COL4A5: variants seen among roughly 807,000 people sequenced by gnomAD.
COL4A5 encodes the protein collagen type IV alpha 5 chain, also known as collagen alpha-5(IV) chain.
A neutral mutation model predicts 130.2 loss-of-function variants in COL4A5; 26 were observed. That is an observed-to-expected ratio of 0.20 (90% CI 0.15 to 0.28). COL4A5 has a LOEUF of 0.28. COL4A5 is among the 10% of genes least tolerant of loss of function. The pLI is 1.00. For missense variants in COL4A5, 1,131 were observed against 1,344.3 expected (o/e 0.84, Z 2.48); for synonymous variants, 496 against 439.6 (o/e 1.13, Z -1.60).
intron 1 of COL4A5, among the ~76,000 whole-genome samples, chrX:108,495,255 A>T (rs1337774671): frequency 1.8e-5 from 2 of 111,555 alleles, no homozygotes; most frequent in East Asian, 5.7e-4. Flanking sequence ...AAAAGAAAAC[A>T]ATAAAACGTT....
chrX:108,667,071 C>T, intron 39 of COL4A5, 62 bp from the exon 40 acceptor site: 1 of 1,077,146 alleles, frequency 9.3e-7, no homozygotes, highest in East Asian at 3.0e-5. Context: ...AATAATTTGG[C>T]CTTGTTTCAG....
At chrX:108,533,402 T>C (rs2065412281) in intron 1 of COL4A5, among the ~76,000 whole-genome samples, 2 of 111,429 alleles carry the variant, frequency 1.8e-5, no homozygotes, top group Admixed American at 1.9e-4. Context: ...AAGACTTAAA[T>C]CTTCTTTTGC....
intron 36 of COL4A5, chrX:108,626,708 T>G: frequency 7.6e-6 from 7 of 916,878 alleles, no homozygotes; most frequent in Non-Finnish European, 9.5e-6. Context: ...TTGAAAAGAC[T>G]TATAAACAAA....
At chrX:108,604,572 GC>G (rs950714030) in intron 28 of COL4A5, among the ~76,000 whole-genome samples, 1 of 111,735 alleles carries the variant, frequency 8.9e-6, no homozygotes, top group African/African-American at 3.2e-5. Context: ...AATTCGTAAG[GC>G]CCTAGAATTT....
rs1346288391 is a variant in COL4A5 at position 108,547,966 on chromosome X, T to C, written c.141+8161T>C. On this transcript the variant is annotated intron_variant, in intron 2 of 52. Transcript: ENST00000328300. ...TGCTAAGACCATCAGAAAAGTGCAG[T>C]ATTAGGGTGGGAGTGACCCGATTTT... is the stretch of plus-strand genomic sequence containing the variant. Among the ~76,000 whole-genome samples, 4 of 111,737 alleles carry C rather than the reference T, an allele frequency of 3.6e-5. No individual in the cohort carries two copies. The East Asian group carries it at 1.1e-3, about 32-fold the overall frequency.
intron 28 of COL4A5, among the ~76,000 whole-genome samples, chrX:108,603,655 T>C (rs1439624467): frequency 8.9e-6 from 1 of 111,775 alleles, no homozygotes; most frequent in Non-Finnish European, 1.9e-5. Flanking sequence ...GTTGGGTGGC[T>C]GTGGCCATTT....
chrX:108,496,540 G>A (rs1431946157), intron 1 of COL4A5, among the ~76,000 whole-genome samples: 1 of 111,402 alleles, frequency 9.0e-6, no homozygotes, highest in Admixed American at 9.5e-5. Flanking sequence ...TGGCTGGATG[G>A]AATATTCTAT....
intron 1 of COL4A5, among the ~76,000 whole-genome samples, chrX:108,480,319 TTTAC>T (rs1489045994): frequency 1.8e-5 from 2 of 112,271 alleles, no homozygotes; most frequent in East Asian, 2.8e-4. Flanking sequence ...CCCTAGAAAT[TTTAC>T]TGAGGTAGAA....
At chrX:108,632,840 A>C (rs1216008062) in intron 36 of COL4A5, among the ~76,000 whole-genome samples, 3 of 111,728 alleles carry the variant, frequency 2.7e-5, no homozygotes, top group Non-Finnish European at 3.8e-5. Flanking sequence ...CAAAATAATA[A>C]GAGCTATTTA....
intron 36 of COL4A5, among the ~76,000 whole-genome samples, chrX:108,644,415 C>G (rs1441167320): frequency 3.6e-5 from 4 of 111,854 alleles, no homozygotes; most frequent in Non-Finnish European, 7.5e-5. Flanking sequence ...AACATTCCAT[C>G]CAACAACCAC....
At chrX:108,506,928 T>C (rs1218897815) in intron 1 of COL4A5, among the ~76,000 whole-genome samples, 1 of 110,805 alleles carries the variant, frequency 9.0e-6, no homozygotes, top group African/African-American at 3.3e-5. Flanking sequence ...TTTATACATC[T>C]TTTCAGTGGA....
intron 49 of COL4A5, chrX:108,689,535 A>C: frequency 4.0e-6 from 3 of 754,489 alleles, no homozygotes; most frequent in Non-Finnish European, 4.7e-6. Context: ...GGTACAGTTT[A>C]GGCCTCAGAC....
At chrX:108,640,644 A>G (rs2067445254) in intron 36 of COL4A5, among the ~76,000 whole-genome samples, 1 of 111,700 alleles carries the variant, frequency 9.0e-6, no homozygotes, top group Non-Finnish European at 1.9e-5. Flanking sequence ...GTTGATAAAA[A>G]AAATTCTGGA....
At chrX:108,489,782 A>G (rs1035677541) in intron 1 of COL4A5, among the ~76,000 whole-genome samples, 6 of 111,591 alleles carry the variant, frequency 5.4e-5, no homozygotes, top group African/African-American at 2.0e-4. Context: ...GGAATATTAG[A>G]CACTTTAGTG....
chrX:108,600,743 ATCC>A (rs1239706986), intron 25 of COL4A5, among the ~76,000 whole-genome samples: 1 of 110,530 alleles, frequency 9.0e-6, no homozygotes, highest in Non-Finnish European at 1.9e-5. Context: ...AGGCTGAGAA[ATCC>A]CACAGTAGGC....
At chrX:108,633,127 CAA>C (rs2067296333) in intron 36 of COL4A5, among the ~76,000 whole-genome samples, 2 of 111,572 alleles carry the variant, frequency 1.8e-5, no homozygotes, top group South Asian at 3.8e-4. Flanking sequence ...GTAACTTCAG[CAA>C]AGTCTCAGGA....
chrX:108,636,716 A>G (rs1245302979), intron 36 of COL4A5, among the ~76,000 whole-genome samples: 2 of 111,385 alleles, frequency 1.8e-5, no homozygotes, highest in Non-Finnish European at 3.8e-5. Flanking sequence ...TGCACATGGA[A>G]CATTCTCCAG....
At chrX:108,469,783 C>A (rs755115151) in intron 1 of COL4A5, among the ~76,000 whole-genome samples, 2 of 111,668 alleles carry the variant, frequency 1.8e-5, no homozygotes, top group East Asian at 5.7e-4. Context: ...GATCCCATTA[C>A]CCAGGCTACC....
At chrX:108,526,221 G>A (rs975179140) in intron 1 of COL4A5, among the ~76,000 whole-genome samples, 1 of 112,082 alleles carries the variant, frequency 8.9e-6, no homozygotes, top group African/African-American at 3.2e-5. Flanking sequence ...AGCAAGGGAG[G>A]TGGAGAAGGA....
Sources: gnomAD v4.1 joint callset for allele counts (sites outside exome capture counted in the v4.1 genomes callset) on GRCh38, gnomAD v4.1.1 for gene constraint, MANE v1.5 for transcripts, NCBI Gene and HGNC (gene_info 2026-07-23, HGNC 2026-07-21) for gene names.